SLC38A10: variants seen among roughly 807,000 people sequenced by gnomAD.
SLC38A10 encodes Sodium-coupled neutral amino acid transporter 10.
In SLC38A10, 53 loss-of-function variants were observed where a neutral mutation model predicts 81.0. The observed-to-expected ratio is 0.65, with a 90% CI of 0.53 to 0.82. The LOEUF (loss-of-function observed/expected upper bound fraction) is 0.82. SLC38A10 is among the 40% of genes least tolerant of loss of function. SLC38A10 has a pLI of 0.00. For missense variants in SLC38A10, 1,471 were observed against 1,545.0 expected, an observed-to-expected ratio of 0.95 and a Z score of 0.80; for synonymous variants, 665 against 655.3, an observed-to-expected ratio of 1.01 and a Z score of -0.23.
intron 6 of SLC38A10, chr17:81,280,285 G>A (rs963676202): frequency 3.0e-5 from 14 of 469,790 alleles, no homozygotes; most frequent in Non-Finnish European, 4.5e-5. Context: ...AAATTCTGGC[G>A]AAGCGCTCGA....
chr17:81,289,763 T>C lies in SLC38A10; in HGVS notation c.145A>G (p.Met49Val). ...GALLLVFCSW[M>V]THQSCMFLVK... is the part of the protein sequence containing the mutation. ...AAGAACATGCACGACTGGTGCGTCA[T>C]CCATGAGCAGAAGACCAAGAGCAGC... The change falls in exon 2 of 16, where the codon ATG (methionine) becomes GTG (valine). Residue 49 changes from methionine (M) to valine (V), a missense_variant. This residue lies in a region of SLC38A10 where 720 missense variants were observed against 827.7 expected (regional missense o/e 0.87). Transcript: ENST00000374759. This position sits in a 1 kb window ranked among gnomAD's most constrained non-coding sequence, Gnocchi z 5.9. 1 of 1,609,966 alleles carries C rather than the reference T, an allele frequency of 6.2e-7. No homozygotes were observed. The highest frequency in any genetic ancestry group is 8.5e-7 in the Non-Finnish European group (1 of 1,179,038).
At chr17:81,264,886 T>G (rs541048315) in intron 10 of SLC38A10, 5 of 152,310 alleles carry the variant, frequency 3.3e-5, no homozygotes, top group African/African-American at 1.2e-4. Context: ...GGGCCAGCTT[T>G]CAGGCCTTTC....
intron 6 of SLC38A10, among the ~76,000 whole-genome samples, chr17:81,278,105 A>C (rs940398992): frequency 1.3e-5 from 2 of 152,340 alleles, no homozygotes; most frequent in Admixed American, 6.5e-5. Flanking sequence ...GCCAAATCCC[A>C]AACCGCCTTG....
At chr17:81,279,979 A>G (rs1339744041) in intron 6 of SLC38A10, 2 of 340,114 alleles carry the variant, frequency 5.9e-6, no homozygotes, top group African/African-American at 4.3e-5. Flanking sequence ...CTAACGCTAC[A>G]GGGGCCGCTC....
chr17:81,254,989 T>C (rs2062958714), intron 11 of SLC38A10, among the ~76,000 whole-genome samples: 1 of 152,266 alleles, frequency 6.6e-6, no homozygotes, highest in African/African-American at 2.4e-5. Flanking sequence ...GCAGTCATTT[T>C]CTCAGCAGGA....
In SLC38A10 at chr17:81,245,908, CCT is replaced by C. The variant is rs775052542; in HGVS notation, c.3006_3007del (p.Gly1003ArgfsTer72). 2 of 1,611,890 alleles carry C rather than the reference CCT, an allele frequency of 1.2e-6. No individual in the cohort carries two copies. The highest frequency in any genetic ancestry group is 2.7e-5 in the African/African-American group (2 of 75,062). On this transcript the variant is annotated frameshift_variant, in exon 16 of 16. Coordinates refer to ENST00000374759, the MANE Select transcript of SLC38A10 (RefSeq NM_001037984.3). LOFTEE classifies it low-confidence loss of function (END_TRUNC). Reference sequence around the variant, plus strand: ...CTCCTGGACAGCAGCGTCCTCCCCGCCTCTCGGCTGCTCGTGGGACACAGGCA... The same window carrying C: ...CTCCTGGACAGCAGCGTCCTCCCCGCCTCGGCTGCTCGTGGGACACAGGCA...
In SLC38A10 at chr17:81,280,692, C is replaced by G; in HGVS notation, c.543G>C (p.Gln181His). 6.2e-7 allele frequency: 1 copy of G among 1,613,820 alleles called. No homozygotes were observed. The highest frequency in any genetic ancestry group is 8.5e-7 in the Non-Finnish European group (1 of 1,180,012). ...SSLKHGLFSG[Q>H]WLRRVSYVRW... Reference sequence around the variant, plus strand: ...GGACGTAGCTGACCCGCCGCAGCCACTGCCCACTGAAGAGGCCGTGCTTGA... The same window carrying G: ...GGACGTAGCTGACCCGCCGCAGCCAGTGCCCACTGAAGAGGCCGTGCTTGA... Residue 181 changes from glutamine to histidine, a missense_variant, in exon 6 of 16, where the codon CAG becomes CAC. This residue lies in a region of SLC38A10 where 720 missense variants were observed against 827.7 expected (regional missense o/e 0.87). Transcript: ENST00000374759.
chr17:81,277,182 T>C lies in SLC38A10; in HGVS notation c.627-49A>G. ...CAGCGGACCTGAGAGAGGCACGCCCTCCCCAGCGGCTCCACTTCTAGGACC... is the reference window on the plus strand; with the variant it reads ...CAGCGGACCTGAGAGAGGCACGCCCCCCCCAGCGGCTCCACTTCTAGGACC... On this transcript the variant is annotated intron_variant, in intron 6 of 15. Transcript: ENST00000374759. The surrounding 1 kb of genome is among the most constrained non-coding windows in gnomAD (Gnocchi z 4.5). 6.4e-7 allele frequency: 1 copy of C among 1,558,118 alleles called. No homozygotes were observed. The highest frequency in any genetic ancestry group is 8.8e-7 in the Non-Finnish European group (1 of 1,132,636).
At chr17:81,263,966 G>A (rs2063047136) in intron 10 of SLC38A10, 1 of 152,360 alleles carries the variant, frequency 6.6e-6, no homozygotes, top group Non-Finnish European at 1.5e-5. Context: ...AGGCAGCTGT[G>A]AGAACTCTGC....
In SLC38A10 at chr17:81,244,926, G is replaced by C. The variant is rs1157290898; in HGVS notation, c.*630C>G. 1 of 164,498 alleles carries C rather than the reference G, an allele frequency of 6.1e-6. No individual in the cohort carries two copies. The highest frequency in any genetic ancestry group is 2.4e-5 in the African/African-American group (1 of 41,836). The allele number at this position is 164,498 out of a possible 1,614,324, so 10.2% of individuals were successfully genotyped here. On this transcript the variant is annotated 3_prime_UTR_variant, in exon 16 of 16. Transcript: ENST00000374759. ...GGAGTGCAAAGGGCGGCACCGGCCA[G>C]TGCCCCTGGACACCCGGCTTGTCTG...
At position 81,252,307 on chromosome 17, in the gene SLC38A10, C is replaced by A; in HGVS notation, c.1833G>T (p.Leu611=). ...CCGCCAGGCCGTTCTGCTGCTCAGA[C>A]AGCACTGCCTGGGGCCGAGGATGCA... ...RGLHPRPQAV[L]SEQQNGLAVG... is the part of the protein sequence containing the mutation. Residue 611 remains leucine, a synonymous_variant, in exon 13 of 16, where the codon CTG becomes CTT. Coordinates refer to ENST00000374759, the MANE Select transcript of SLC38A10 (RefSeq NM_001037984.3). The A allele has an allele frequency of 1.2e-6, 2 of 1,612,020 alleles. No homozygotes were observed. Among genetic ancestry groups the A allele is most frequent in the Non-Finnish European group, 1.7e-6 (2 of 1,179,302 alleles).
chr17:81,256,621 G>A (rs1310498647), intron 11 of SLC38A10, among the ~76,000 whole-genome samples: 1 of 152,240 alleles, frequency 6.6e-6, no homozygotes, highest in Non-Finnish European at 1.5e-5. Context: ...AGGAGGCTCG[G>A]GATCCCAGGG....
intron 8 of SLC38A10, among the ~76,000 whole-genome samples, chr17:81,275,726 C>T (rs1364752797): frequency 3.0e-4 from 14 of 46,472 alleles, no homozygotes; most frequent in South Asian, 2.1e-3. Context: ...AGCGAAACTC[C>T]GTCTCAAAAA....
chr17:81,248,245 C>T (rs1350885647), intron 14 of SLC38A10, among the ~76,000 whole-genome samples: 1 of 152,216 alleles, frequency 6.6e-6, no homozygotes, highest in Non-Finnish European at 1.5e-5. Flanking sequence ...GCATGAGCCA[C>T]CGCACCCGGC....
At position 81,284,776 on chromosome 17, in the gene SLC38A10, C is replaced by T. The variant is rs918378772; in HGVS notation, c.263+74G>A. 1.8e-5 allele frequency: 22 copies of T among 1,233,384 alleles called. No homozygotes were observed. The African/African-American group carries it at 2.5e-4, about 14-fold the overall frequency. 76.4% of individuals were successfully genotyped at this position (1,233,384 alleles called of 1,614,324 possible). On this transcript the variant is annotated intron_variant, in intron 3 of 15. Coordinates refer to ENST00000374759, the MANE Select transcript of SLC38A10 (RefSeq NM_001037984.3). ...CAGGTGAATCTGGGGATGAAACTGCCGCTCCCACCGGGAGGGTCCCCAGTG... is the reference window on the plus strand; with the variant it reads ...CAGGTGAATCTGGGGATGAAACTGCTGCTCCCACCGGGAGGGTCCCCAGTG...
Position 81,246,598 on chromosome 17 carries a change from A to G in SLC38A10, c.2318T>C (p.Val773Ala). ...CAAAGGCAGGGGAGGCAGATTCTCC[A>G]CCGTCTCCCTGGCCTTGCCTTCAGG... ...EAPEGKARET[V>A]ENLPPLPLDP... Residue 773 changes from valine (V) to alanine (A), a missense_variant, in exon 16 of 16, where the codon GTG becomes GCG. By Grantham distance (64) the Val-to-Ala change is moderately conservative (BLOSUM62 0). Transcript: ENST00000374759. The G allele has an allele frequency of 2.0e-6, 3 of 1,515,796 alleles. No individual in the cohort carries two copies. The highest frequency in any genetic ancestry group is 2.6e-6 in the Non-Finnish European group (3 of 1,134,318). The allele number at this position is 1,515,796 out of a possible 1,614,324, so 93.9% of individuals were successfully genotyped here.
chr17:81,291,237 T>C (rs747424078), intron 1 of SLC38A10, among the ~76,000 whole-genome samples: 18 of 151,886 alleles, frequency 1.2e-4, no homozygotes, highest in East Asian at 9.8e-4. Flanking sequence ...TCCCAGCACT[T>C]TGGGAGGCCG....
Position 81,245,584 on chromosome 17 carries a change from T to C in SLC38A10, c.3332A>G (p.Gln1111Arg). The C allele has an allele frequency of 1.2e-6, 2 of 1,610,200 alleles. No homozygotes were observed. The highest frequency in any genetic ancestry group is 1.7e-6 in the Non-Finnish European group (2 of 1,178,748). Reference sequence around the variant, plus strand: ...GGACTCCTCTGGAGGCCCAGGCGCCTGTCTAAGCTGCCGGCTGTGGACCAC... The same window carrying C: ...GGACTCCTCTGGAGGCCCAGGCGCCCGTCTAAGCTGCCGGCTGTGGACCAC... ...LQVVHSRQLR[Q>R]APGPPEES Residue 1111 changes from glutamine (Q) to arginine (R), a missense_variant, in exon 16 of 16, where the codon CAG becomes CGG. Gln to Arg is a conservative substitution (Grantham distance 43, BLOSUM62 1). This residue lies in a region of SLC38A10 where 751 missense variants were observed against 717.4 expected (regional missense o/e 1.05). Transcript: ENST00000374759.
rs996293835 is a variant in SLC38A10 at position 81,286,394 on chromosome 17, A to G, written c.218-1499T>C. Among the ~76,000 whole-genome samples, 1 of 152,000 alleles carries G rather than the reference A, an allele frequency of 6.6e-6. No homozygotes were observed. The highest frequency in any genetic ancestry group is 1.5e-5 in the Non-Finnish European group (1 of 67,980). ...CAGGACAACGTCCTGAGAGCCCACC[A>G]CGCTGAGACACGGCCCCACGCGCCT... On this transcript the variant is annotated intron_variant, in intron 2 of 15. Coordinates refer to ENST00000374759, the MANE Select transcript of SLC38A10 (RefSeq NM_001037984.3). The surrounding 1 kb of genome is among the most constrained non-coding windows in gnomAD (Gnocchi z 6.0).
Sources: allele counts gnomAD v4.1 joint callset (sites outside exome capture counted in the v4.1 genomes callset), GRCh38; gene constraint gnomAD v4.1.1; regional missense constraint gnomAD v4.1.1; non-coding constraint Gnocchi (gnomAD v3.1); transcripts MANE v1.5; gene names NCBI Gene and HGNC (gene_info 2026-07-23, HGNC 2026-07-21).